The following ADK variants were observed in gnomAD, a reference collection of about 807,000 sequenced individuals.
ADK encodes adenosine kinase, also known as N6,N6-dimethyladenosine kinase.
Under a neutral mutation model 44.7 loss-of-function variants are expected in ADK, and 24 were observed. That is an observed-to-expected ratio of 0.54 (90% CI 0.39 to 0.76). ADK has a LOEUF of 0.76. ADK is among the 30% of genes least tolerant of loss of function. The pLI is 0.00. For synonymous variants in ADK, 128 were observed against 142.6 expected (o/e 0.90, Z 0.73); for missense variants, 321 against 425.1 (o/e 0.76, Z 2.15).
chr10:74,414,657 C>T (rs1011796330), intron 6 of ADK, among the ~76,000 whole-genome samples: 1 of 152,164 alleles, frequency 6.6e-6, no homozygotes, highest in Non-Finnish European at 1.5e-5. Context: ...ATGGCTTGAA[C>T]CTGGGAGGCA....
intron 9 of ADK, among the ~76,000 whole-genome samples, chr10:74,605,750 G>A (rs1240596114): frequency 4.6e-5 from 7 of 152,128 alleles, no homozygotes; most frequent in Admixed American, 6.5e-5. Flanking sequence ...GATGATGCTG[G>A]CCTCATAAAA....
intron 4 of ADK, among the ~76,000 whole-genome samples, chr10:74,335,721 T>C (rs1371546875): frequency 1.3e-5 from 2 of 152,234 alleles, no homozygotes; most frequent in Non-Finnish European, 1.5e-5. Flanking sequence ...CTTTTATTAC[T>C]ACATCAATTG....
chr10:74,613,682 G>T (rs1274688835), intron 9 of ADK, among the ~76,000 whole-genome samples: 7 of 152,102 alleles, frequency 4.6e-5, no homozygotes, highest in Admixed American at 4.6e-4. Context: ...CCATTACTCT[G>T]TAAGAAAAGG....
intron 6 of ADK, among the ~76,000 whole-genome samples, chr10:74,478,428 G>T (rs1212652083): frequency 6.6e-6 from 1 of 152,040 alleles, no homozygotes; most frequent in African/African-American, 2.4e-5. Context: ...TCAGTCTGTT[G>T]CCCAGGCTTG....
chr10:74,708,793 A>G lies in ADK; in HGVS notation c.*348A>G, dbSNP rs180766950. The G allele has an allele frequency of 4.1e-6, 1 of 243,364 alleles. No homozygotes were observed. 15.1% of individuals were successfully genotyped at this position (243,364 alleles called of 1,614,324 possible). On this transcript the variant is annotated 3_prime_UTR_variant, in exon 11 of 11. Coordinates refer to ENST00000539909, the MANE Select transcript of ADK (RefSeq NM_006721.4). ...TTTTACATTTCTGCTTTGAATGCAG[A>G]TGCAATTTAATATAATAGATTTTTT... is the stretch of plus-strand genomic sequence containing the variant.
At chr10:74,351,443 C>A (rs1841960746) in intron 4 of ADK, among the ~76,000 whole-genome samples, 1 of 152,060 alleles carries the variant, frequency 6.6e-6, no homozygotes, top group Non-Finnish European at 1.5e-5. Context: ...CTATTTATGA[C>A]AAATCCATAG....
intron 7 of ADK, among the ~76,000 whole-genome samples, chr10:74,584,744 A>C (rs913443669): frequency 1.3e-5 from 2 of 152,234 alleles, no homozygotes; most frequent in Admixed American, 1.3e-4. Flanking sequence ...CTAAAACTAC[A>C]CTTAGGAGGT....
At chr10:74,595,176 C>CAAAAAAAAA (rs781407492) in intron 8 of ADK, among the ~76,000 whole-genome samples, 1 of 29,610 alleles carries the variant, frequency 3.4e-5, no homozygotes, top group Non-Finnish European at 6.9e-5. Flanking sequence ...AACTCCATCT[C>CAAAAAAAAA]AAAAAAAAAA....
chr10:74,394,998 G>T (rs1460423576), intron 5 of ADK, among the ~76,000 whole-genome samples: 1 of 152,134 alleles, frequency 6.6e-6, no homozygotes, highest in Non-Finnish European at 1.5e-5. Flanking sequence ...TACTCCTTCA[G>T]TGTATTCATG....
Position 74,294,396 on chromosome 10 carries a change from C to T in ADK, c.195-20271C>T, listed in dbSNP as rs762017601. On this transcript the variant is annotated intron_variant, in intron 3 of 10. Coordinates refer to ENST00000539909, the MANE Select transcript of ADK (RefSeq NM_006721.4). ...CCACCTCCCGGGTTCAAGTGATTCT[C>T]CTATCTCAGCCTCCCAAGTAGCTGG... Among the ~76,000 whole-genome samples, 17 of 152,104 alleles carry T rather than the reference C, an allele frequency of 1.1e-4. No homozygotes were observed. In the East Asian group the frequency reaches 1.5e-3, roughly 14 times the overall value.
chr10:74,553,007 A>T (rs1485006889), intron 7 of ADK, among the ~76,000 whole-genome samples: 1 of 151,642 alleles, frequency 6.6e-6, no homozygotes, highest in Non-Finnish European at 1.5e-5. Context: ...ACATTTGAAA[A>T]ACTGTATGGT....
At chr10:74,321,322 C>T (rs1840800916) in intron 4 of ADK, among the ~76,000 whole-genome samples, 1 of 151,608 alleles carries the variant, frequency 6.6e-6, no homozygotes, top group South Asian at 2.1e-4. Flanking sequence ...CTTGCTCTGT[C>T]ACCCAGGCTG....
chr10:74,638,662 A>G (rs1853710851), intron 9 of ADK, among the ~76,000 whole-genome samples: 3 of 152,206 alleles, frequency 2.0e-5, no homozygotes, highest in African/African-American at 4.8e-5. Context: ...GTCTCATTCA[A>G]TCAAACTTAT....
At chr10:74,623,114 A>C (rs1277225698) in intron 9 of ADK, among the ~76,000 whole-genome samples, 1 of 152,208 alleles carries the variant, frequency 6.6e-6, no homozygotes, top group African/African-American at 2.4e-5. Flanking sequence ...TGTGGTTTTC[A>C]ACCAGAAACA....
intron 6 of ADK, among the ~76,000 whole-genome samples, chr10:74,464,950 C>T (rs1045694737): frequency 1.3e-5 from 2 of 152,080 alleles, no homozygotes; most frequent in Non-Finnish European, 2.9e-5. Flanking sequence ...ATACTACATT[C>T]CTGCCACTTT....
intron 1 of ADK, among the ~76,000 whole-genome samples, chr10:74,168,997 A>C (rs1842099838): frequency 6.6e-6 from 1 of 152,100 alleles, no homozygotes; most frequent in Non-Finnish European, 1.5e-5. Context: ...AGGCTGAGGC[A>C]GGTGGATCCC....
At chr10:74,355,067 T>C (rs1311115773) in intron 4 of ADK, among the ~76,000 whole-genome samples, 1 of 152,164 alleles carries the variant, frequency 6.6e-6, no homozygotes, top group Non-Finnish European at 1.5e-5. Context: ...TTGCTCTGTC[T>C]CCTCCTGTCT....
At chr10:74,173,349 TC>T (rs1176055927) in intron 1 of ADK, among the ~76,000 whole-genome samples, 6 of 152,028 alleles carry the variant, frequency 3.9e-5, no homozygotes, top group African/African-American at 1.2e-4. Flanking sequence ...CGCCTTGGCC[TC>T]CCAAAGTGCT....
At chr10:74,447,691 C>G (rs928458371) in intron 6 of ADK, among the ~76,000 whole-genome samples, 1 of 152,078 alleles carries the variant, frequency 6.6e-6, no homozygotes, top group African/African-American at 2.4e-5. Context: ...TCTTAGTTTT[C>G]TCATCTGTAA....
Sources: gnomAD v4.1 joint callset for allele counts (sites outside exome capture counted in the v4.1 genomes callset) on GRCh38, gnomAD v4.1.1 for gene constraint, MANE v1.5 for transcripts, NCBI Gene and HGNC (gene_info 2026-07-23, HGNC 2026-07-21) for gene names.